ARID4A: variants seen among roughly 807,000 people sequenced by gnomAD.
ARID4A encodes AT-rich interaction domain 4A, also known as AT-rich interactive domain-containing protein 4A.
Under a neutral mutation model 148.6 loss-of-function variants are expected in ARID4A, and 39 were observed. The observed-to-expected ratio is 0.26, with a 90% CI of 0.20 to 0.34. ARID4A has a LOEUF of 0.34. ARID4A is among the 10% of genes least tolerant of loss of function. The probability of loss-of-function intolerance (pLI) is 1.00; values close to 1 mark genes in which losing one functional copy is unlikely to be tolerated. For synonymous variants in ARID4A, 475 were observed against 481.2 expected, an observed-to-expected ratio of 0.99 and a Z score of 0.17; for missense variants, 1,265 against 1,449.1, an observed-to-expected ratio of 0.87 and a Z score of 2.06.
At chr14:58,311,424 A>C (rs192145769) in intron 5 of ARID4A, among the ~76,000 whole-genome samples, 9 of 152,308 alleles carry the variant, frequency 5.9e-5, no homozygotes. Flanking sequence ...TATTATCAAG[A>C]AGATAAAAGG....
At chr14:58,303,433 A>G (rs1409253220) in intron 3 of ARID4A, 1 of 440,068 alleles carries the variant, frequency 2.3e-6, no homozygotes, top group African/African-American at 2.0e-5. Flanking sequence ...GTGGTCTTCC[A>G]GATTTTTTTT....
intron 7 of ARID4A, among the ~76,000 whole-genome samples, chr14:58,322,415 A>G (rs1324565840): frequency 1.3e-5 from 2 of 152,152 alleles, no homozygotes; most frequent in African/African-American, 4.8e-5. Context: ...AATTTTAACA[A>G]GTTGAGTTAT....
intron 8 of ARID4A, among the ~76,000 whole-genome samples, chr14:58,324,648 A>C (rs771584196): frequency 4.6e-5 from 7 of 152,202 alleles, no homozygotes; most frequent in Non-Finnish European, 8.8e-5. Context: ...ACCTTCAGCG[A>C]GTCTGCCTAA....
At chr14:58,318,335 G>A (rs562551164) in intron 5 of ARID4A, among the ~76,000 whole-genome samples, 38 of 152,276 alleles carry the variant, frequency 2.5e-4, no homozygotes, top group South Asian at 4.1e-4. Flanking sequence ...TTAAGCAGTC[G>A]TGGGCAGCCA....
rs1445931634 is a variant in ARID4A, at chr14:58,344,687, C to T, written c.907-8C>T. The T allele has an allele frequency of 4.4e-6, 7 of 1,601,434 alleles. No homozygotes were observed. In the East Asian group the frequency reaches 1.3e-4, roughly 31 times the overall value. ...TGTGCCATACATTTATATATTTTATCTTTACAGCCTGAGGAAGAACTTGAT... is the reference window on the plus strand; with the variant it reads ...TGTGCCATACATTTATATATTTTATTTTTACAGCCTGAGGAAGAACTTGAT... On this transcript the variant is annotated splice_region_variant and splice_polypyrimidine_tract_variant and intron_variant, in intron 11 of 23. Transcript: ENST00000355431.
chr14:58,339,883 C>T (rs1016417463), intron 11 of ARID4A, among the ~76,000 whole-genome samples: 5 of 151,722 alleles, frequency 3.3e-5, no homozygotes, highest in Non-Finnish European at 7.4e-5. Flanking sequence ...AGCATGAGCA[C>T]GCAAAGGGGG....
intron 5 of ARID4A, among the ~76,000 whole-genome samples, chr14:58,315,427 G>A (rs1360556456): frequency 6.6e-6 from 1 of 152,106 alleles, no homozygotes; most frequent in Non-Finnish European, 1.5e-5. Context: ...GTTTAGGGCT[G>A]CCATTGATTA....
At chr14:58,353,891 T>G (rs776103140) in intron 17 of ARID4A, 36 bp downstream of exon 17, 8 of 1,562,604 alleles carry the variant, frequency 5.1e-6, no homozygotes, top group Non-Finnish European at 7.0e-6. Flanking sequence ...ATTGAAATTT[T>G]TTCGATGATT....
At position 58,299,792 on chromosome 14, in the gene ARID4A, C is replaced by A; in HGVS notation, c.-57-6C>A. ...TGTCTGTGCCTGTCTTTCCCCCTCC[C>A]CATAGTTCTAGCGACTGCGAAGATA... On this transcript the variant is annotated splice_region_variant and splice_polypyrimidine_tract_variant and intron_variant, in intron 1 of 23. Coordinates refer to ENST00000355431, the MANE Select transcript of ARID4A (RefSeq NM_002892.4). 2 of 1,612,988 alleles carry A rather than the reference C, an allele frequency of 1.2e-6. No homozygotes were observed. The highest frequency in any genetic ancestry group is 1.7e-6 in the Non-Finnish European group (2 of 1,178,934).
intron 17 of ARID4A, among the ~76,000 whole-genome samples, chr14:58,356,364 T>G (rs568739553): frequency 6.6e-6 from 1 of 152,292 alleles, no homozygotes; most frequent in East Asian, 1.9e-4. Flanking sequence ...TATGTCTATC[T>G]TTTATAACAG....
At chr14:58,299,715 T>C (rs1594853429) in intron 1 of ARID4A, 83 bp from the exon 2 acceptor site, 1 of 1,209,150 alleles carries the variant, frequency 8.3e-7, no homozygotes, top group East Asian at 2.3e-5. Flanking sequence ...CCCTCCCCGC[T>C]GGCGTTTGTT....
At chr14:58,355,753 A>G (rs189121759) in intron 17 of ARID4A, among the ~76,000 whole-genome samples, 51 of 152,358 alleles carry the variant, frequency 3.3e-4, no homozygotes, top group Non-Finnish European at 6.2e-4. Flanking sequence ...CAGTTGCATC[A>G]CATGATAGCC....
At chr14:58,349,376 G>A (rs1230118132) in intron 15 of ARID4A, among the ~76,000 whole-genome samples, 1 of 151,992 alleles carries the variant, frequency 6.6e-6, no homozygotes, top group Non-Finnish European at 1.5e-5. Flanking sequence ...GCCGGGCGCG[G>A]TGGCTCATGC....
intron 5 of ARID4A, among the ~76,000 whole-genome samples, chr14:58,308,660 A>G (rs1307739312): frequency 6.6e-6 from 1 of 152,224 alleles, no homozygotes; most frequent in Non-Finnish European, 1.5e-5. Context: ...AAACAGTACA[A>G]TGAAATGTAA....
Position 58,366,096 on chromosome 14 carries a change from A to G in ARID4A, c.3389A>G (p.Asn1130Ser). ...AAATGTACCCCAGTAAAGCATCTTA[A>G]TGTATCTAAGCCACAGAAACTTGCA... is the stretch of plus-strand genomic sequence containing the variant. ...SSKCTPVKHL[N>S]VSKPQKLARS... Residue 1130 changes from asparagine to serine, a missense_variant, in exon 22 of 24, where the codon AAT becomes AGT. Physicochemically the swap from Asn to Ser is conservative, Grantham distance 46. This residue lies in a region of ARID4A where 666 missense variants were observed against 730.9 expected (regional missense o/e 0.91). Transcript: ENST00000355431. The G allele has an allele frequency of 6.2e-7, 1 of 1,613,902 alleles. No individual in the cohort carries two copies. Among genetic ancestry groups the G allele is most frequent in the Non-Finnish European group, 8.5e-7 (1 of 1,179,822 alleles).
At chr14:58,302,818 G>C (rs1197006349) in intron 3 of ARID4A, among the ~76,000 whole-genome samples, 3 of 152,106 alleles carry the variant, frequency 2.0e-5, no homozygotes, top group Non-Finnish European at 4.4e-5. Flanking sequence ...GTATTAGCCA[G>C]GTGTGGTGGC....
intron 16 of ARID4A, among the ~76,000 whole-genome samples, chr14:58,352,059 A>G (rs1298275214): frequency 2.0e-5 from 3 of 152,234 alleles, no homozygotes; most frequent in African/African-American, 7.2e-5. Flanking sequence ...AATGAATTTT[A>G]AATGAGCAAC....
intron 5 of ARID4A, among the ~76,000 whole-genome samples, chr14:58,308,461 A>T (rs750732024): frequency 3.3e-5 from 5 of 152,238 alleles, no homozygotes; most frequent in Non-Finnish European, 7.3e-5. Context: ...TTGGGAGAAA[A>T]ATTCAAAATA....
At chr14:58,346,869 A>G (rs2034390267) in intron 13 of ARID4A, 151 bp from the exon 14 acceptor site, 2 of 392,072 alleles carry the variant, frequency 5.1e-6, no homozygotes, top group Non-Finnish European at 8.6e-6. Flanking sequence ...TCGAGGCTGC[A>G]GTGAGCCCTG....
Sources: allele counts gnomAD v4.1 joint callset (sites outside exome capture counted in the v4.1 genomes callset), GRCh38; gene constraint gnomAD v4.1.1; regional missense constraint gnomAD v4.1.1; transcripts MANE v1.5; gene names NCBI Gene and HGNC (gene_info 2026-07-23, HGNC 2026-07-21).